Variants in TSPAN5 observed in about 807,000 individuals in gnomAD.
The protein encoded by TSPAN5 is tetraspanin 5, also known as tetraspanin-5.
A neutral mutation model predicts 37.1 loss-of-function variants in TSPAN5; 10 were observed. That is an observed-to-expected ratio of 0.27 (90% CI 0.17 to 0.46). TSPAN5 has a LOEUF of 0.46. TSPAN5 is among the 20% of genes least tolerant of loss of function. The pLI is 1.00. For synonymous variants in TSPAN5, 110 were observed against 118.9 expected, an observed-to-expected ratio of 0.93 and a Z score of 0.48; for missense variants, 195 against 326.6, an observed-to-expected ratio of 0.60 and a Z score of 3.11.
At chr4:98,500,503 G>C (rs548394595) in intron 2 of TSPAN5, among the ~76,000 whole-genome samples, 1 of 152,178 alleles carries the variant, frequency 6.6e-6, no homozygotes, top group Non-Finnish European at 1.5e-5. Context: ...AGAACCCAGC[G>C]TAGTGAGTGC....
Position 98,595,705 on chromosome 4 carries a change from T to C in TSPAN5, c.81+62441A>G, listed in dbSNP as rs1208254082. Among the ~76,000 whole-genome samples the C allele has an allele frequency of 2.5e-5, 3 of 120,420 alleles. No homozygotes were observed. The East Asian group carries it at 7.7e-4, about 31-fold the overall frequency. 79.0% of individuals were successfully genotyped at this position (120,420 alleles called of 152,430 possible). A position where few individuals can be genotyped will look rare whatever the true frequency, so the allele number is the denominator to read the frequency against. On this transcript the variant is annotated intron_variant, in intron 1 of 7. Coordinates refer to ENST00000305798, the MANE Select transcript of TSPAN5 (RefSeq NM_005723.4). ...CATTTCGTTATGTACCCAGTAGTCA[T>C]TCAGGAGCAGGTTGTTCAGTTTCCA...
intron 1 of TSPAN5, among the ~76,000 whole-genome samples, chr4:98,522,283 C>G (rs1753873391): frequency 6.6e-6 from 1 of 152,158 alleles, no homozygotes; most frequent in African/African-American, 2.4e-5. Flanking sequence ...ATAACATTAG[C>G]AACAAAGTCA....
chr4:98,619,746 T>G (rs773215267), intron 1 of TSPAN5, among the ~76,000 whole-genome samples: 6 of 152,154 alleles, frequency 3.9e-5, no homozygotes, highest in African/African-American at 7.2e-5. Context: ...TTATAAACAA[T>G]AGAAATGTAT....
chr4:98,506,707 G>T (rs1388671136), intron 2 of TSPAN5, among the ~76,000 whole-genome samples: 1 of 152,208 alleles, frequency 6.6e-6, no homozygotes, highest in Non-Finnish European at 1.5e-5. Context: ...CGGGATCAAA[G>T]AATGGTCTTC....
chr4:98,628,643 A>G (rs1019961854), intron 1 of TSPAN5, among the ~76,000 whole-genome samples: 7 of 152,024 alleles, frequency 4.6e-5, no homozygotes, highest in Non-Finnish European at 8.8e-5. Flanking sequence ...AGCATTGCTG[A>G]CCCCTTTACC....
chr4:98,554,081 TA>T (rs1553913550), intron 1 of TSPAN5, among the ~76,000 whole-genome samples: 95 of 150,532 alleles, frequency 6.3e-4, no homozygotes, highest in Non-Finnish European at 1.1e-3. Flanking sequence ...AAAAATAAAT[TA>T]AAAAAAAAAT....
At chr4:98,537,530 T>G (rs1754262432) in intron 1 of TSPAN5, among the ~76,000 whole-genome samples, 2 of 152,208 alleles carry the variant, frequency 1.3e-5, no homozygotes, top group Non-Finnish European at 2.9e-5. Flanking sequence ...CCTTTAAATA[T>G]GCTAATTTTC....
At chr4:98,605,580 T>C (rs2110226237) in intron 1 of TSPAN5, among the ~76,000 whole-genome samples, 1 of 152,266 alleles carries the variant, frequency 6.6e-6, no homozygotes, top group Non-Finnish European at 1.5e-5. Context: ...AAATACTCCA[T>C]AGTATACTGA....
At chr4:98,576,280 C>T (rs1388546694) in intron 1 of TSPAN5, among the ~76,000 whole-genome samples, 1 of 152,172 alleles carries the variant, frequency 6.6e-6, no homozygotes, top group African/African-American at 2.4e-5. Context: ...AACTCAAAAT[C>T]AACCTGCAAT....
At chr4:98,561,288 G>A (rs1053408773) in intron 1 of TSPAN5, among the ~76,000 whole-genome samples, 2 of 152,232 alleles carry the variant, frequency 1.3e-5, no homozygotes, top group Admixed American at 1.3e-4. Flanking sequence ...CCAGGCTCAC[G>A]CCTATAATCC....
In TSPAN5 at chr4:98,595,639, T is replaced by C. The variant is rs1053855521; in HGVS notation, c.81+62507A>G. ...CCAGAGATTCTGGTATGTGGTGTCT[T>C]TGCTCTCGTTGGTTTCGAAGAACAT... On this transcript the variant is annotated intron_variant, in intron 1 of 7. Coordinates refer to ENST00000305798, the MANE Select transcript of TSPAN5 (RefSeq NM_005723.4). Among the ~76,000 whole-genome samples the C allele has an allele frequency of 1.1e-4, 15 of 135,098 alleles. 1 individual carries two copies. The highest frequency in any genetic ancestry group is 3.0e-4 in the Admixed American group (4 of 13,480). 88.6% of individuals were successfully genotyped at this position (135,098 alleles called of 152,430 possible). A position where few individuals can be genotyped will look rare whatever the true frequency, so the allele number is the denominator to read the frequency against.
intron 1 of TSPAN5, among the ~76,000 whole-genome samples, chr4:98,581,582 GA>G (rs1445259382): frequency 1.3e-5 from 2 of 152,080 alleles, no homozygotes; most frequent in Non-Finnish European, 2.9e-5. Context: ...CCACAAACAA[GA>G]AAAACATAAT....
intron 1 of TSPAN5, among the ~76,000 whole-genome samples, chr4:98,554,568 C>T (rs1402264827): frequency 1.3e-5 from 2 of 152,220 alleles, no homozygotes; most frequent in Non-Finnish European, 2.9e-5. Flanking sequence ...TTTAAAATCT[C>T]ATCTTGAACA....
In TSPAN5 at chr4:98,555,163, T is replaced by G. The variant is rs2110160384; in HGVS notation, c.82-47435A>C. On this transcript the variant is annotated intron_variant, in intron 1 of 7. Coordinates refer to ENST00000305798, the MANE Select transcript of TSPAN5 (RefSeq NM_005723.4). ...TGATCTGGGTGCTGGTTACAGAGTT[T>G]CTTCAGTTTGTGAAAATCCATCAGT... Among the ~76,000 whole-genome samples, 4 of 152,298 alleles carry G rather than the reference T, an allele frequency of 2.6e-5. No individual in the cohort carries two copies. In the Middle Eastern group the frequency reaches 0.014, roughly 518 times the overall value.
chr4:98,578,371 C>T (rs1257549089), intron 1 of TSPAN5, among the ~76,000 whole-genome samples: 1 of 152,154 alleles, frequency 6.6e-6, no homozygotes, highest in Non-Finnish European at 1.5e-5. Context: ...CTTAGCTCTT[C>T]CCCAAATAAT....
intron 2 of TSPAN5, among the ~76,000 whole-genome samples, chr4:98,498,807 T>C (rs1376313306): frequency 6.6e-6 from 1 of 152,184 alleles, no homozygotes; most frequent in Non-Finnish European, 1.5e-5. Flanking sequence ...GGCTGCCTCC[T>C]GCCCTTGCAA....
chr4:98,528,693 G>A (rs528619012), intron 1 of TSPAN5, among the ~76,000 whole-genome samples: 5 of 152,256 alleles, frequency 3.3e-5, no homozygotes, highest in Admixed American at 3.3e-4. Flanking sequence ...GAGCATTATT[G>A]AAATTTGCAT....
intron 1 of TSPAN5, among the ~76,000 whole-genome samples, chr4:98,634,453 A>G (rs1018541504): frequency 7.7e-6 from 1 of 129,096 alleles, no homozygotes; most frequent in Admixed American, 7.8e-5. Context: ...AAATACTGTC[A>G]ATTGACATGC....
chr4:98,487,238 GA>G (rs11318498), intron 2 of TSPAN5, among the ~76,000 whole-genome samples: 54,565 of 130,112 alleles, frequency 0.42, 10,778 homozygotes, highest in South Asian at 0.51. Flanking sequence ...TATATGTAGA[GA>G]AAAAAAAAAA....
Sources: gnomAD v4.1 joint callset for allele counts (sites outside exome capture counted in the v4.1 genomes callset) on GRCh38, gnomAD v4.1.1 for gene constraint, MANE v1.5 for transcripts, NCBI Gene and HGNC (gene_info 2026-07-23, HGNC 2026-07-21) for gene names.